Variants in NAA16 observed in about 807,000 individuals in gnomAD.
NAA16 encodes N-alpha-acetyltransferase 16, NatA auxiliary subunit.
Under a neutral mutation model 110.3 loss-of-function variants are expected in NAA16, and 97 were observed. That is an observed-to-expected ratio of 0.88 (90% CI 0.75 to 1.04). NAA16 has a LOEUF of 1.04. Ranked by LOEUF, NAA16 falls within the 50% of genes least tolerant of loss-of-function variation. The pLI is 0.00. For synonymous variants in NAA16, 372 were observed against 330.6 expected (o/e 1.13, Z -1.36); for missense variants, 1,017 against 1,005.1 (o/e 1.01, Z -0.16).
At chr13:41,351,121 T>C (rs1593489278) in intron 9 of NAA16, among the ~76,000 whole-genome samples, 2 of 152,352 alleles carry the variant, frequency 1.3e-5, no homozygotes, top group African/African-American at 4.8e-5. Flanking sequence ...ACATCAGTGC[T>C]CGTGTGCTTT....
At chr13:41,331,208 T>C (rs2042228575) in intron 7 of NAA16, 66 bp from the exon 8 acceptor site, 2 of 931,876 alleles carry the variant, frequency 2.1e-6, no homozygotes, top group Admixed American at 4.6e-5. Flanking sequence ...TTTAGAAGTT[T>C]GTTAGCATTT....
intron 9 of NAA16, among the ~76,000 whole-genome samples, chr13:41,353,769 AC>A (rs1346935778): frequency 1.7e-3 from 4 of 2,392 alleles, no homozygotes; most frequent in African/African-American, 0.017. Flanking sequence ...CCTGTCTCTT[AC>A]ACACACACAC....
At position 41,362,070 on chromosome 13, in the gene NAA16, T is replaced by C. The variant is rs879138415; in HGVS notation, c.1450T>C (p.Cys484Arg). 13 of 1,611,470 alleles carry C rather than the reference T, an allele frequency of 8.1e-6. No individual in the cohort carries two copies. The highest frequency in any genetic ancestry group is 1.1e-5 in the Non-Finnish European group (13 of 1,179,070). ...SAMENLNEMQ[C>R]MWFQTECISA... ...CATGGAAAATCTAAATGAAATGCAGTGTATGTGGTTTCAGACAGAATGCAT... is the reference window on the plus strand; with the variant it reads ...CATGGAAAATCTAAATGAAATGCAGCGTATGTGGTTTCAGACAGAATGCAT... Residue 484 changes from cysteine (C) to arginine (R), a missense_variant, in exon 13 of 20, where the codon TGT (cysteine) becomes CGT (arginine). Physicochemically the swap from Cys to Arg is radical, Grantham distance 180 (BLOSUM62 -3). Transcript: ENST00000379406.
At chr13:41,364,382 CTT>C in intron 13 of NAA16, among the ~76,000 whole-genome samples, 1 of 152,016 alleles carries the variant, frequency 6.6e-6, no homozygotes, top group Middle Eastern at 3.4e-3. Flanking sequence ...AGTGTAGTAT[CTT>C]TTCTGTTTTC....
At chr13:41,317,747 A>G (rs2041846280) in intron 2 of NAA16, among the ~76,000 whole-genome samples, 1 of 152,240 alleles carries the variant, frequency 6.6e-6, no homozygotes, top group African/African-American at 2.4e-5. Context: ...GGAAAGTTCA[A>G]TATGTAAAAC....
At chr13:41,354,144 C>T (rs1452181117) in intron 9 of NAA16, among the ~76,000 whole-genome samples, 1 of 152,080 alleles carries the variant, frequency 6.6e-6, no homozygotes, top group East Asian at 1.9e-4. Context: ...GTCCATTGAA[C>T]TTTACTAGAG....
intron 16 of NAA16, 122 bp downstream of exon 16, chr13:41,372,433 T>C (rs796236555): frequency 3.7e-6 from 5 of 1,354,622 alleles, no homozygotes; most frequent in African/African-American, 3.0e-5. Flanking sequence ...ACAAAGGCTC[T>C]TTTCCTTGGC....
At chr13:41,372,673 AG>A in intron 16 of NAA16, 58 bp from the exon 17 acceptor site, 2 of 1,451,078 alleles carry the variant, frequency 1.4e-6, no homozygotes, top group South Asian at 3.1e-5. Flanking sequence ...ACTGAAATAA[AG>A]TGAGGAAAAT....
intron 9 of NAA16, among the ~76,000 whole-genome samples, chr13:41,350,269 T>A (rs544411977): frequency 2.0e-5 from 3 of 146,552 alleles, no homozygotes; most frequent in Non-Finnish European, 4.5e-5. Context: ...TCTCCCCACT[T>A]CCCTGGCCAA....
rs2043423570 is a variant in NAA16, at chr13:41,376,138, A to G, written c.*536A>G. 1 of 152,338 alleles carries G rather than the reference A, an allele frequency of 6.6e-6. No individual in the cohort carries two copies. Among genetic ancestry groups the G allele is most frequent in the Admixed American group, 6.5e-5 (1 of 15,298 alleles). 9.4% of individuals were successfully genotyped at this position (152,338 alleles called of 1,614,324 possible). A position where few individuals can be genotyped will look rare whatever the true frequency, so the allele number is the denominator to read the frequency against. On this transcript the variant is annotated 3_prime_UTR_variant, in exon 20 of 20. Coordinates refer to ENST00000379406, the MANE Select transcript of NAA16 (RefSeq NM_024561.5). ...AACCCCTTCTCTACTGAAAATACAA[A>G]AATTAGCCAGACGTGATGGCACATA... is the stretch of plus-strand genomic sequence containing the variant.
At chr13:41,317,518 C>T (rs2483104) in intron 2 of NAA16, among the ~76,000 whole-genome samples, 8,035 of 152,122 alleles carry the variant, frequency 0.053, 283 homozygotes, top group Non-Finnish European at 0.074. Context: ...AATAATGATC[C>T]TGTAGCATAG....
intron 19 of NAA16, 101 bp downstream of exon 19, chr13:41,374,940 A>T: frequency 1.4e-6 from 1 of 692,760 alleles, no homozygotes; most frequent in Non-Finnish European, 2.5e-6. Flanking sequence ...TTATGCCTGG[A>T]TGTTAATCCC....
intron 13 of NAA16, chr13:41,362,808 TGTG>T: frequency 7.8e-7 from 1 of 1,289,620 alleles, no homozygotes; most frequent in South Asian, 1.2e-5. Flanking sequence ...AGCCCTCAGT[TGTG>T]GGGGCAATCG....
Position 41,355,212 on chromosome 13 carries a change from A to C in NAA16, c.1083A>C (p.Pro361=). Residue 361 remains proline, a synonymous_variant, in exon 10 of 20, where the codon CCA becomes CCC. Coordinates refer to ENST00000379406, the MANE Select transcript of NAA16 (RefSeq NM_024561.5). Reference sequence around the variant, plus strand: ...TTAAAACGTGTGACTTTTTTAGCCCATATGGTAAGTTTAAATTAGATTGAA... The same window carrying C: ...TTAAAACGTGTGACTTTTTTAGCCCCTATGGTAAGTTTAAATTAGATTGAA... ...ASLKTCDFFS[P]YENGEKEPPT... 6.4e-7 allele frequency: 1 copy of C among 1,567,042 alleles called. No individual in the cohort carries two copies. Among genetic ancestry groups the C allele is most frequent in the South Asian group, 1.2e-5 (1 of 85,732 alleles).
intron 9 of NAA16, among the ~76,000 whole-genome samples, chr13:41,347,938 T>C (rs556669384): frequency 2.0e-5 from 3 of 152,168 alleles, no homozygotes; most frequent in Non-Finnish European, 4.4e-5. Flanking sequence ...AGCATCTAGA[T>C]TTTTCACCAT....
intron 9 of NAA16, among the ~76,000 whole-genome samples, chr13:41,349,037 C>G (rs969748715): frequency 4.6e-5 from 7 of 152,034 alleles, no homozygotes; most frequent in African/African-American, 1.7e-4. Context: ...GTCAGTCTAG[C>G]TAAAGGTTTG....
At chr13:41,332,643 C>T (rs762010020) in intron 8 of NAA16, among the ~76,000 whole-genome samples, 3 of 152,086 alleles carry the variant, frequency 2.0e-5, no homozygotes, top group Non-Finnish European at 2.9e-5. Flanking sequence ...TTTCTTTTGA[C>T]ACAAGTCAGA....
rs754237653 is a variant in NAA16, at chr13:41,340,647, GTTTTTTTTTTTTTTTTTTTT to G, written c.1014+3916_1014+3935del. Among the ~76,000 whole-genome samples, 73 of 43,594 alleles carry G rather than the reference GTTTTTTTTTTTTTTTTTTTT, an allele frequency of 1.7e-3. 1 individual carries two copies. Among genetic ancestry groups the G allele is most frequent in the Non-Finnish European group, 2.1e-3 (46 of 22,280 alleles). 28.6% of individuals were successfully genotyped at this position (43,594 alleles called of 152,430 possible). A position where few individuals can be genotyped will look rare whatever the true frequency, so the allele number is the denominator to read the frequency against. On this transcript the variant is annotated intron_variant, in intron 9 of 19. Transcript: ENST00000379406. The stretch of plus-strand genomic sequence containing the variant: ...CATATAGTTGTGCGGTTTTGAGTGA[GTTTTTTTTTTTTTTTTTTTT>G]TTTTTTTTTTTTTTTTTTTTTTTTC...
intron 12 of NAA16, among the ~76,000 whole-genome samples, chr13:41,359,651 A>G (rs191783566): frequency 6.6e-5 from 10 of 152,320 alleles, no homozygotes; most frequent in African/African-American, 2.4e-4. Flanking sequence ...AAAGCCTCCA[A>G]TATCCCTCTC....
Sources: allele counts gnomAD v4.1 joint callset (sites outside exome capture counted in the v4.1 genomes callset), GRCh38; gene constraint gnomAD v4.1.1; transcripts MANE v1.5; gene names NCBI Gene and HGNC (gene_info 2026-07-23, HGNC 2026-07-21).